TENM2: variants seen among roughly 807,000 people sequenced by gnomAD.
TENM2 encodes the protein teneurin transmembrane protein 2.
TENM2 carries 52 observed loss-of-function variants against 245.2 expected under a neutral mutation model. That is an observed-to-expected ratio of 0.21 (90% CI 0.17 to 0.27). The LOEUF is 0.27. Among genes scored for constraint, TENM2 ranks in the 10% least tolerant of loss-of-function variants. The pLI, the probability that TENM2 is intolerant of heterozygous loss-of-function variation, is 1.00. For missense variants in TENM2, 3,046 were observed against 3,666.8 expected, an observed-to-expected ratio of 0.83 and a Z score of 4.37; for synonymous variants, 1,363 against 1,438.9, an observed-to-expected ratio of 0.95 and a Z score of 1.19.
intron 2 of TENM2, among the ~76,000 whole-genome samples, chr5:167,464,408 G>A (rs1405422073): frequency 1.3e-5 from 2 of 152,142 alleles, no homozygotes; most frequent in African/African-American, 4.8e-5. Context: ...TCTTTGTACA[G>A]ATGAGTAATA....
At chr5:167,784,532 C>T (rs1466648820) in intron 2 of TENM2, among the ~76,000 whole-genome samples, 2 of 152,156 alleles carry the variant, frequency 1.3e-5, no homozygotes, top group African/African-American at 4.8e-5. Flanking sequence ...CACATACAGG[C>T]GTAAGCGGAA....
the TENM2 span, among the ~76,000 whole-genome samples, chr5:167,172,050 A>G: frequency 6.6e-6 from 1 of 152,168 alleles, no homozygotes; most frequent in Non-Finnish European, 1.5e-5. Context: ...CCTCTATACC[A>G]TCCAAACTAA....
At chr5:166,980,322 T>G in the TENM2 span, among the ~76,000 whole-genome samples, 1 of 152,200 alleles carries the variant, frequency 6.6e-6, no homozygotes, top group Non-Finnish European at 1.5e-5. Flanking sequence ...AGATCTTACT[T>G]GAAGTGGCAT....
At chr5:167,513,859 A>T (rs1770135186) in intron 2 of TENM2, among the ~76,000 whole-genome samples, 1 of 152,184 alleles carries the variant, frequency 6.6e-6, no homozygotes, top group Admixed American at 6.5e-5. Flanking sequence ...GCGAGCAGTC[A>T]TCATCCTGCT....
At chr5:167,933,447 G>A in intron 3 of TENM2, among the ~76,000 whole-genome samples, 1 of 152,096 alleles carries the variant, frequency 6.6e-6, no homozygotes, top group Non-Finnish European at 1.5e-5. Flanking sequence ...TGACTGCATA[G>A]TACAATATGT....
intron 2 of TENM2, among the ~76,000 whole-genome samples, chr5:167,752,460 C>A (rs1017686071): frequency 2.0e-5 from 3 of 151,862 alleles, no homozygotes; most frequent in African/African-American, 7.3e-5. Flanking sequence ...CCCTGCTTAC[C>A]ATCTACCAGT....
intron 2 of TENM2, among the ~76,000 whole-genome samples, chr5:167,470,298 G>A (rs944132633): frequency 2.0e-5 from 3 of 151,562 alleles, no homozygotes; most frequent in African/African-American, 7.3e-5. Flanking sequence ...AAATATAATT[G>A]CCTATATTTT....
At chr5:167,005,723 G>A in the TENM2 span, among the ~76,000 whole-genome samples, 11 of 137,728 alleles carry the variant, frequency 8.0e-5, no homozygotes, top group African/African-American at 2.5e-4. Flanking sequence ...GTGCAATGGC[G>A]TGGTATTGGC....
rs1320643946 is a variant in TENM2 at position 167,918,852 on chromosome 5, G to C, written c.713-33736G>C. Among the ~76,000 whole-genome samples the C allele has an allele frequency of 2.0e-5, 3 of 151,264 alleles. No homozygotes were observed. In the South Asian group the frequency reaches 6.3e-4, roughly 32 times the overall value. On this transcript the variant is annotated intron_variant, in intron 3 of 28. Transcript: ENST00000518659. ...GAATGAAGCCAATATGGGAAGCAAA[G>C]TTACCACGGGGACAAAATGTTCTTC...
chr5:167,646,998 C>T (rs1268174011), intron 2 of TENM2, among the ~76,000 whole-genome samples: 1 of 152,142 alleles, frequency 6.6e-6, no homozygotes, highest in Non-Finnish European at 1.5e-5. Context: ...GGGACAATTC[C>T]TCTACCTTGT....
chr5:167,378,381 T>C (rs72829327), intron 2 of TENM2, among the ~76,000 whole-genome samples: 24 of 55,850 alleles, frequency 4.3e-4, no homozygotes, highest in East Asian at 1.2e-3. Flanking sequence ...TCTTCTTCTT[T>C]TTTTTTTTTT....
the TENM2 span, among the ~76,000 whole-genome samples, chr5:167,102,569 T>C: frequency 5.9e-5 from 9 of 152,212 alleles, no homozygotes; most frequent in Admixed American, 2.6e-4. Flanking sequence ...AAGGGCTAAA[T>C]AGGTGCAGTC....
chr5:167,446,005 G>T (rs1325701319), intron 2 of TENM2, among the ~76,000 whole-genome samples: 1 of 152,108 alleles, frequency 6.6e-6, no homozygotes, highest in Non-Finnish European at 1.5e-5. Flanking sequence ...CTAGGGTTTG[G>T]TGGACATTTT....
chr5:167,267,222 C>A, the TENM2 span, among the ~76,000 whole-genome samples: 1 of 152,128 alleles, frequency 6.6e-6, no homozygotes, highest in Non-Finnish European at 1.5e-5. Context: ...TTCTTCCCAG[C>A]AATCCTGACC....
intron 7 of TENM2, among the ~76,000 whole-genome samples, chr5:168,082,228 A>G (rs1050560969): frequency 1.3e-5 from 2 of 152,158 alleles, no homozygotes; most frequent in Non-Finnish European, 2.9e-5. Flanking sequence ...CGAATCAGCT[A>G]CTGAAGCTTG....
At chr5:167,027,165 T>A in the TENM2 span, among the ~76,000 whole-genome samples, 3 of 152,112 alleles carry the variant, frequency 2.0e-5, no homozygotes, top group African/African-American at 7.2e-5. Flanking sequence ...TAACCTAGAG[T>A]TGTATTCATA....
chr5:168,210,946 A>G (rs537726802), intron 19 of TENM2, among the ~76,000 whole-genome samples: 2 of 152,344 alleles, frequency 1.3e-5, no homozygotes, highest in East Asian at 3.9e-4. Flanking sequence ...CCTTAAAACA[A>G]CAACAAAATT....
intron 2 of TENM2, among the ~76,000 whole-genome samples, chr5:167,861,077 C>A (rs996529078): frequency 3.3e-5 from 5 of 149,378 alleles, no homozygotes; most frequent in Non-Finnish European, 7.4e-5. Context: ...AAGAAAACAA[C>A]GTCAAAATAA....
rs1764674226 is a variant in TENM2, at chr5:167,438,188, A to G, written c.502+62715A>G. Among the ~76,000 whole-genome samples the G allele has an allele frequency of 2.0e-5, 3 of 152,186 alleles. No individual in the cohort carries two copies. In the South Asian group the frequency reaches 6.2e-4, roughly 31 times the overall value. ...AGTTTCACCAGGAAGTCTATACTCC[A>G]TCCAAAATGAACTATGTACTTTTTT... is the stretch of plus-strand genomic sequence containing the variant. On this transcript the variant is annotated intron_variant, in intron 2 of 28. Coordinates refer to ENST00000518659, the Ensembl canonical transcript of TENM2.
Sources: allele counts gnomAD v4.1 joint callset (sites outside exome capture counted in the v4.1 genomes callset), GRCh38; gene constraint gnomAD v4.1.1; transcripts MANE v1.5; gene names NCBI Gene and HGNC (gene_info 2026-07-23, HGNC 2026-07-21).